Variants in FADD observed in about 807,000 individuals in gnomAD.
The protein encoded by FADD is FAS-associated death domain protein.
In FADD, 3 loss-of-function variants were observed where a neutral mutation model predicts 5.8. The observed-to-expected ratio is 0.52, with a 90% CI of 0.24 to 1.34. The LOEUF (loss-of-function observed/expected upper bound fraction) is 1.34. Among genes scored for constraint, FADD ranks in the 40% most tolerant of loss-of-function variants. The pLI, the probability that FADD is intolerant of heterozygous loss-of-function variation, is 0.17. For synonymous variants in FADD, 138 were observed against 130.8 expected (o/e 1.06, Z -0.38); for missense variants, 249 against 286.7 (o/e 0.87, Z 0.95).
In FADD at chr11:70,206,312, G is replaced by T. The variant is rs767771723; in HGVS notation, c.466G>T (p.Ala156Ser). Residue 156 changes from alanine (A) to serine (S), a missense_variant, in exon 2 of 2, where the codon GCA (alanine) becomes TCA (serine). Physicochemically the swap from Ala to Ser is moderately conservative, Grantham distance 99. Transcript: ENST00000301838. ...CTGGAAGAACACAGAGAAGGAGAAC[G>T]CAACAGTGGCCCACCTGGTGGGGGC... ...RIWKNTEKENATVAHLVGALR... is the reference protein window; with the variant it reads ...RIWKNTEKENSTVAHLVGALR... 6.2e-7 allele frequency: 1 copy of T among 1,614,178 alleles called. No homozygotes were observed. The highest frequency in any genetic ancestry group is 2.2e-5 in the East Asian group (1 of 44,888).
rs745881152 is a variant in FADD at position 70,203,522 on chromosome 11, C to G, written c.63C>G (p.Thr21=). Residue 21 remains threonine, a synonymous_variant, in exon 1 of 2, where the codon ACC becomes ACG. Coordinates refer to ENST00000301838, the MANE Select transcript of FADD (RefSeq NM_003824.4). ...CCAGCCTGTCGAGCAGCGAGCTGACCGAGCTCAAGTTCCTATGCCTCGGGC... is the reference window on the plus strand; with the variant it reads ...CCAGCCTGTCGAGCAGCGAGCTGACGGAGCTCAAGTTCCTATGCCTCGGGC... ...VSSSLSSSEL[T]ELKFLCLGRV... is the part of the protein sequence containing the mutation. 6.2e-7 allele frequency: 1 copy of G among 1,610,752 alleles called. No homozygotes were observed. Among genetic ancestry groups the G allele is most frequent in the African/African-American group, 1.3e-5 (1 of 74,848 alleles).
chr11:70,206,451 C>A lies in FADD; in HGVS notation c.605C>A (p.Ala202Glu). The A allele has an allele frequency of 6.2e-7, 1 of 1,613,968 alleles. No homozygotes were observed. ...TCCCCGATGTCATGGAACTCAGACG[C>A]ATCTACCTCCGAAGCGTCCTGATGG... ...AMSPMSWNSD[A>E]STSEAS Residue 202 changes from alanine (A) to glutamate (E), a missense_variant, in exon 2 of 2, where the codon GCA (alanine) becomes GAA (glutamate). Coordinates refer to ENST00000301838, the MANE Select transcript of FADD (RefSeq NM_003824.4).
chr11:70,203,885 T>C (rs2049441065), intron 1 of FADD, 140 bp downstream of exon 1: 3 of 438,086 alleles, frequency 6.8e-6, no homozygotes, highest in Non-Finnish European at 1.2e-5. Context: ...GCCCTGGTTT[T>C]GCAGATGGGA....
Position 70,207,022 on chromosome 11 carries a change from G to A in FADD, c.*549G>A, listed in dbSNP as rs2049467814. ...CACTAGGGTCAGGCGGGGTGCTGTG[G>A]TGGGGAGAGGCATGGCTGGGGTGGG... On this transcript the variant is annotated 3_prime_UTR_variant, in exon 2 of 2. Transcript: ENST00000301838. 1 of 158,876 alleles carries A rather than the reference G, an allele frequency of 6.3e-6. No individual in the cohort carries two copies. The highest frequency in any genetic ancestry group is 2.4e-5 in the African/African-American group (1 of 41,448). The allele number at this position is 158,876 out of a possible 1,614,324, so 9.8% of individuals were successfully genotyped here.
rs867264826 is a variant in FADD, at chr11:70,206,229, G to A, written c.383G>A (p.Ser128Asn). Residue 128 changes from serine (S) to asparagine (N), a missense_variant, in exon 2 of 2, where the codon AGC (serine) becomes AAC (asparagine). Ser to Asn is a conservative substitution (Grantham distance 46). Coordinates refer to ENST00000301838, the MANE Select transcript of FADD (RefSeq NM_003824.4). ...AAAGTCTCAGACACCAAGATCGACA[G>A]CATCGAGGACAGATACCCCCGCAAC... The part of the protein sequence containing the change: ...QLKVSDTKID[S>N]IEDRYPRNLT... 5 of 1,614,012 alleles carry A rather than the reference G, an allele frequency of 3.1e-6. No homozygotes were observed. The African/African-American group carries it at 4.0e-5, about 13-fold the overall frequency.
Position 70,203,418 on chromosome 11 carries a change from C to T in FADD, c.-42C>T. 6.5e-7 allele frequency: 1 copy of T among 1,550,260 alleles called. No homozygotes were observed. Among genetic ancestry groups the T allele is most frequent in the Non-Finnish European group, 8.7e-7 (1 of 1,147,578 alleles). The stretch of plus-strand genomic sequence containing the variant: ...CAGCGAGCCGAGGACAGAGGGCGCA[C>T]GGAGGGCCGGGCCGCAGCCCCGGCC... On this transcript the variant is annotated 5_prime_UTR_variant, in exon 1 of 2. In the 5' UTR this introduces an upstream ATG that the reference lacks. Coordinates refer to ENST00000301838, the MANE Select transcript of FADD (RefSeq NM_003824.4).
At chr11:70,203,870 G>A (rs897967053) in intron 1 of FADD, 125 bp downstream of exon 1, 12 of 461,890 alleles carry the variant, frequency 2.6e-5, no homozygotes, top group African/African-American at 6.2e-5. Flanking sequence ...GGTTTTCTCC[G>A]TACAGCCCTG....
rs1175297128 is a variant in FADD at position 70,203,564 on chromosome 11, G to C, written c.105G>C (p.Lys35Asn). Residue 35 changes from lysine to asparagine, a missense_variant, in exon 1 of 2, where the codon AAG (lysine) becomes AAC (asparagine). Lys to Asn is a moderately conservative substitution (Grantham distance 94, BLOSUM62 0). Coordinates refer to ENST00000301838, the MANE Select transcript of FADD (RefSeq NM_003824.4). ...FLCLGRVGKRKLERVQSGLDL... is the reference protein window; with the variant it reads ...FLCLGRVGKRNLERVQSGLDL... ...GCCTCGGGCGCGTGGGCAAGCGCAA[G>C]CTGGAGCGCGTGCAGAGCGGCCTAG... 1 of 1,612,566 alleles carries C rather than the reference G, an allele frequency of 6.2e-7. No homozygotes were observed. The highest frequency in any genetic ancestry group is 1.7e-5 in the Admixed American group (1 of 60,008).
chr11:70,203,419 G>C lies in FADD; in HGVS notation c.-41G>C. 1.9e-6 allele frequency: 3 copies of C among 1,550,824 alleles called. No individual in the cohort carries two copies. Among genetic ancestry groups the C allele is most frequent in the Non-Finnish European group, 2.6e-6 (3 of 1,147,918 alleles). Reference sequence around the variant, plus strand: ...AGCGAGCCGAGGACAGAGGGCGCACGGAGGGCCGGGCCGCAGCCCCGGCCG... The same window carrying C: ...AGCGAGCCGAGGACAGAGGGCGCACCGAGGGCCGGGCCGCAGCCCCGGCCG... On this transcript the variant is annotated 5_prime_UTR_variant, in exon 1 of 2. Transcript: ENST00000301838.
In FADD at chr11:70,206,115, C is replaced by G. The variant is rs778094656; in HGVS notation, c.287-18C>G. Reference sequence around the variant, plus strand: ...GTCTCCAAACCTATGGTAAACCGTTCTGTTCTTTCCTTCCCAGACCTGTGT... The same window carrying G: ...GTCTCCAAACCTATGGTAAACCGTTGTGTTCTTTCCTTCCCAGACCTGTGT... On this transcript the variant is annotated intron_variant, in intron 1 of 1. Coordinates refer to ENST00000301838, the MANE Select transcript of FADD (RefSeq NM_003824.4). 5.6e-6 allele frequency: 9 copies of G among 1,606,752 alleles called. No individual in the cohort carries two copies. The highest frequency in any genetic ancestry group is 7.7e-6 in the Non-Finnish European group (9 of 1,174,302).
At position 70,203,317 on chromosome 11, in the gene FADD, T is replaced by C. The variant is rs2049435183; in HGVS notation, c.-143T>C. ...ACGCGCTCTTGTCGATTTCCTGTAGTGAATCAGGCACCGGAGTGCAGGTTC... is the reference window on the plus strand; with the variant it reads ...ACGCGCTCTTGTCGATTTCCTGTAGCGAATCAGGCACCGGAGTGCAGGTTC... On this transcript the variant is annotated 5_prime_UTR_variant, in exon 1 of 2. Transcript: ENST00000301838. The C allele has an allele frequency of 2.8e-6, 4 of 1,428,046 alleles. No individual in the cohort carries two copies. Among genetic ancestry groups the C allele is most frequent in the Non-Finnish European group, 3.7e-6 (4 of 1,080,022 alleles). The allele number at this position is 1,428,046 out of a possible 1,614,324, so 88.5% of individuals were successfully genotyped here. A position where few individuals can be genotyped will look rare whatever the true frequency, so the allele number is the denominator to read the frequency against.
At position 70,206,892 on chromosome 11, in the gene FADD, T is replaced by G. The variant is rs2049466246; in HGVS notation, c.*419T>G. 4.0e-6 allele frequency: 1 copy of G among 248,922 alleles called. No individual in the cohort carries two copies. The highest frequency in any genetic ancestry group is 5.1e-5 in the Admixed American group (1 of 19,436). The allele number at this position is 248,922 out of a possible 1,614,324, so 15.4% of individuals were successfully genotyped here. On this transcript the variant is annotated 3_prime_UTR_variant, in exon 2 of 2. Transcript: ENST00000301838. ...ACTGGGATTTGAACCCCCGCCATCC[T>G]TCACCAGAGCCCATGCTCAACCACT...
chr11:70,206,547 C>T lies in FADD; in HGVS notation c.*74C>T, dbSNP rs1035630593. 2.0e-5 allele frequency: 29 copies of T among 1,418,492 alleles called. No individual in the cohort carries two copies. Among genetic ancestry groups the T allele is most frequent in the Non-Finnish European group, 2.6e-5 (27 of 1,021,600 alleles). 87.9% of individuals were successfully genotyped at this position (1,418,492 alleles called of 1,614,324 possible). A position where few individuals can be genotyped will look rare whatever the true frequency, so the allele number is the denominator to read the frequency against. On this transcript the variant is annotated 3_prime_UTR_variant, in exon 2 of 2. Coordinates refer to ENST00000301838, the MANE Select transcript of FADD (RefSeq NM_003824.4). ...ACTTTGGTTCTCTCCAGGAAGGTAG[C>T]CCAGCACTGTGAAGACCCAGCAGGA...
At position 70,206,459 on chromosome 11, in the gene FADD, T is replaced by C. The variant is rs766817620; in HGVS notation, c.613T>C (p.Ser205Pro). ...GTCATGGAACTCAGACGCATCTACC[T>C]CCGAAGCGTCCTGATGGGCCGCTGC... ...PMSWNSDAST[S>P]EAS The change falls in exon 2 of 2, where the codon TCC (serine) becomes CCC (proline). Residue 205 changes from serine (S) to proline (P), a missense_variant. By Grantham distance (74) the Ser-to-Pro change is moderately conservative. Coordinates refer to ENST00000301838, the MANE Select transcript of FADD (RefSeq NM_003824.4). 1 of 1,613,582 alleles carries C rather than the reference T, an allele frequency of 6.2e-7. No homozygotes were observed. The highest frequency in any genetic ancestry group is 8.5e-7 in the Non-Finnish European group (1 of 1,179,868).
Position 70,205,337 on chromosome 11 carries a change from G to A in FADD, c.287-796G>A, listed in dbSNP as rs112765059. On this transcript the variant is annotated intron_variant, in intron 1 of 1. Transcript: ENST00000301838. ...AGGGACTGAAGACTGGTGGTCACTCGGGGCAGCTTTCTAAATAACAATTGG... is the reference window on the plus strand; with the variant it reads ...AGGGACTGAAGACTGGTGGTCACTCAGGGCAGCTTTCTAAATAACAATTGG... 1.4e-4 allele frequency among the ~76,000 whole-genome samples: 21 copies of A among 152,232 alleles called. 1 individual carries two copies. In the East Asian group the frequency reaches 1.5e-3, roughly 11 times the overall value.
chr11:70,204,503 C>T lies in FADD; in HGVS notation c.286+758C>T, dbSNP rs192376613. ...CAGCAGAGTTTCTCAGCCCTACCCC[C>T]CTTGTTCTCAGAGTCGGGAGAGGCT... On this transcript the variant is annotated intron_variant, in intron 1 of 1. Transcript: ENST00000301838. 4.6e-5 allele frequency among the ~76,000 whole-genome samples: 7 copies of T among 152,206 alleles called. No homozygotes were observed. The East Asian group carries it at 9.6e-4, about 21-fold the overall frequency.
In FADD at chr11:70,206,574, G is replaced by A. The variant is rs1226032779; in HGVS notation, c.*101G>A. ...CAGCACTGTGAAGACCCAGCAGGAA[G>A]CCAGGCTGAGTGAGCCACAGACCAC... On this transcript the variant is annotated 3_prime_UTR_variant, in exon 2 of 2. Coordinates refer to ENST00000301838, the MANE Select transcript of FADD (RefSeq NM_003824.4). The A allele has an allele frequency of 8.9e-7, 1 of 1,123,750 alleles. No homozygotes were observed. Among genetic ancestry groups the A allele is most frequent in the South Asian group, 1.3e-5 (1 of 76,124 alleles). The allele number at this position is 1,123,750 out of a possible 1,614,324, so 69.6% of individuals were successfully genotyped here.
intron 1 of FADD, among the ~76,000 whole-genome samples, chr11:70,204,994 G>A (rs1260363914): frequency 6.6e-6 from 1 of 152,182 alleles, no homozygotes; most frequent in African/African-American, 2.4e-5. Flanking sequence ...GGTCGACTCT[G>A]GCACCACACT....
Position 70,206,332 on chromosome 11 carries a change from G to A in FADD, c.486G>A (p.Val162=). 1.2e-6 allele frequency: 2 copies of A among 1,614,170 alleles called. No homozygotes were observed. Among genetic ancestry groups the A allele is most frequent in the African/African-American group, 2.7e-5 (2 of 75,052 alleles). Residue 162 remains valine, a synonymous_variant, in exon 2 of 2, where the codon GTG becomes GTA. Transcript: ENST00000301838. The part of the protein sequence containing the change: ...EKENATVAHL[V]GALRSCQMNL... ...AGAACGCAACAGTGGCCCACCTGGT[G>A]GGGGCTCTCAGGTCCTGCCAGATGA...
Sources: allele counts gnomAD v4.1 joint callset (sites outside exome capture counted in the v4.1 genomes callset), GRCh38; gene constraint gnomAD v4.1.1; transcripts MANE v1.5; gene names NCBI Gene and HGNC (gene_info 2026-07-23, HGNC 2026-07-21).